SYNE3: variants seen among roughly 807,000 people sequenced by gnomAD.
The protein encoded by SYNE3 is nesprin-3.
SYNE3 carries 100 observed loss-of-function variants against 111.2 expected under a neutral mutation model. The ratio of observed to expected loss-of-function variants is 0.90; its 90% CI spans 0.77 to 1.06. SYNE3 has a LOEUF of 1.06. SYNE3 is among the 50% of genes least tolerant of loss of function. The pLI is 0.00. For missense variants in SYNE3, 1,160 were observed against 1,240.3 expected, an observed-to-expected ratio of 0.94 and a Z score of 0.97; for synonymous variants, 547 against 533.9, an observed-to-expected ratio of 1.02 and a Z score of -0.34.
chr14:95,456,073 C>A (rs752114088), intron 5 of SYNE3: 16 of 378,030 alleles, frequency 4.2e-5, no homozygotes, highest in Non-Finnish European at 7.0e-5. Context: ...CAAATGGCTC[C>A]GTTCGGTTTC....
At chr14:95,431,622 A>G (rs1352254401) in intron 17 of SYNE3, among the ~76,000 whole-genome samples, 1 of 152,186 alleles carries the variant, frequency 6.6e-6, no homozygotes, top group Admixed American at 6.5e-5. Flanking sequence ...GTAGAACTCA[A>G]AGGCACAATC....
Position 95,452,193 on chromosome 14 carries a change from A to G in SYNE3, c.1274+54T>C, listed in dbSNP as rs1413411358. The G allele has an allele frequency of 3.4e-6, 5 of 1,485,774 alleles. No individual in the cohort carries two copies. In the Admixed American group the frequency reaches 1.1e-4, roughly 33 times the overall value. The allele number at this position is 1,485,774 out of a possible 1,614,324, so 92.0% of individuals were successfully genotyped here. A position where few individuals can be genotyped will look rare whatever the true frequency, so the allele number is the denominator to read the frequency against. ...GCAAGCCCGCCTTCTGGAGATGGGG[A>G]AATGTGGGTTCCAGCACACCCTGAG... On this transcript the variant is annotated intron_variant, in intron 7 of 17. Transcript: ENST00000682763.
intron 17 of SYNE3, among the ~76,000 whole-genome samples, chr14:95,425,639 A>G (rs1196077915): frequency 6.6e-6 from 1 of 152,200 alleles, no homozygotes; most frequent in Admixed American, 6.5e-5. Context: ...AGCCTTAGCA[A>G]ATGGAGCACA....
rs78398853 is a variant in SYNE3 at position 95,441,210 on chromosome 14, G to A, written c.1912-1135C>T. ...CATTCCACAGACACTGACTGAGATC[G>A]CTGGATACCAGGCCCATACCAGGGG... is the stretch of plus-strand genomic sequence containing the variant. On this transcript the variant is annotated intron_variant, in intron 11 of 17. Transcript: ENST00000682763. Among the ~76,000 whole-genome samples, 67 of 152,286 alleles carry A rather than the reference G, an allele frequency of 4.4e-4. 3 individuals are homozygous for A. In the East Asian group the frequency reaches 8.3e-3, roughly 19 times the overall value.
At chr14:95,513,356 A>G (rs1890788819) in intron 1 of SYNE3, among the ~76,000 whole-genome samples, 1 of 152,020 alleles carries the variant, frequency 6.6e-6, no homozygotes, top group African/African-American at 2.4e-5. Flanking sequence ...GATTCTCTAT[A>G]CCACGTCTGC....
At chr14:95,483,272 G>A (rs1450605181) in intron 1 of SYNE3, among the ~76,000 whole-genome samples, 3 of 152,198 alleles carry the variant, frequency 2.0e-5, no homozygotes, top group Admixed American at 6.5e-5. Context: ...CCCCATTAGC[G>A]ATTACAGCCT....
intron 11 of SYNE3, among the ~76,000 whole-genome samples, chr14:95,440,787 G>C (rs1232602896): frequency 3.3e-5 from 5 of 152,248 alleles, no homozygotes; most frequent in Non-Finnish European, 5.9e-5. Context: ...GGAATGGTGA[G>C]CTGGGCATGA....
chr14:95,439,836 T>A, intron 12 of SYNE3, 52 bp from the exon 13 acceptor site: 2 of 1,589,498 alleles, frequency 1.3e-6, no homozygotes, highest in Non-Finnish European at 1.7e-6. Flanking sequence ...TGGAGGGAGG[T>A]TTCTGCTCCT....
Position 95,439,512 on chromosome 14 carries a change from G to A in SYNE3, c.2246+100C>T. ...TGCCCACGGCCCCTGGCTCCACACT[G>A]GGCAGCACCCTGGCCCTCTGCTCCA... On this transcript the variant is annotated intron_variant, in intron 13 of 17. Coordinates refer to ENST00000682763, the MANE Select transcript of SYNE3 (RefSeq NM_152592.6). 2.0e-6 allele frequency: 3 copies of A among 1,503,868 alleles called. No homozygotes were observed. The Admixed American group carries it at 5.1e-5, about 25-fold the overall frequency. 93.2% of individuals were successfully genotyped at this position (1,503,868 alleles called of 1,614,324 possible). A position where few individuals can be genotyped will look rare whatever the true frequency, so the allele number is the denominator to read the frequency against.
In SYNE3 at chr14:95,443,334, C is replaced by T. The variant is rs112845436; in HGVS notation, c.1777-45G>A. Reference sequence around the variant, plus strand: ...AGGTAGGCTAATCTTCCCACCTCTCCCTCCCTTGGGGTGGCCGATCAGGGC... The same window carrying T: ...AGGTAGGCTAATCTTCCCACCTCTCTCTCCCTTGGGGTGGCCGATCAGGGC... On this transcript the variant is annotated intron_variant, in intron 10 of 17. Transcript: ENST00000682763. 3.6e-3 allele frequency: 5,856 copies of T among 1,611,454 alleles called. 29 individuals carry two copies. Among genetic ancestry groups the T allele is most frequent in the Middle Eastern group, 0.022 (133 of 5,994 alleles).
intron 1 of SYNE3, among the ~76,000 whole-genome samples, chr14:95,482,350 C>T (rs1889312612): frequency 6.6e-6 from 1 of 152,212 alleles, no homozygotes; most frequent in Admixed American, 6.5e-5. Context: ...AGGAGAATCG[C>T]TTGAACCCGG....
At chr14:95,438,235 G>C (rs1886208245) in intron 14 of SYNE3, 1 of 152,148 alleles carries the variant, frequency 6.6e-6, no homozygotes, top group African/African-American at 2.4e-5. Flanking sequence ...ACACCACCAT[G>C]TCCAGTTAAT....
intron 6 of SYNE3, among the ~76,000 whole-genome samples, chr14:95,454,654 C>T (rs1370362347): frequency 6.6e-6 from 1 of 152,186 alleles, no homozygotes; most frequent in Non-Finnish European, 1.5e-5. Context: ...AATATTTTTG[C>T]GTATGAGCAG....
chr14:95,486,096 A>C (rs571274455), intron 1 of SYNE3, among the ~76,000 whole-genome samples: 10 of 151,858 alleles, frequency 6.6e-5, no homozygotes, highest in Non-Finnish European at 1.3e-4. Context: ...GACCCCACAC[A>C]TTTCAGTGGA....
Position 95,408,699 on chromosome 14 carries a change from T to TCCCCCCCCCCCCC in SYNE3, c.*9126_*9127insGGGGGGGGGGGGG. 1 of 190,310 alleles carries TCCCCCCCCCCCCC rather than the reference T, an allele frequency of 5.3e-6. No homozygotes were observed. 11.8% of individuals were successfully genotyped at this position (190,310 alleles called of 1,614,324 possible). The stretch of plus-strand genomic sequence containing the variant: ...CTATGCTCACATACGCGTGCATCCC[T>TCCCCCCCCCCCCC]CCCACCCTGCCCACCCCTTCACATG... On this transcript the variant is annotated 3_prime_UTR_variant, in exon 18 of 18. Coordinates refer to ENST00000682763, the MANE Select transcript of SYNE3 (RefSeq NM_152592.6).
chr14:95,442,526 C>A (rs757398810), intron 11 of SYNE3, among the ~76,000 whole-genome samples: 68 of 152,206 alleles, frequency 4.5e-4, no homozygotes, highest in Non-Finnish European at 8.2e-4. Flanking sequence ...CTCCTCAGGG[C>A]TTGTTACAAC....
At chr14:95,491,023 A>G (rs1889824488) in intron 1 of SYNE3, among the ~76,000 whole-genome samples, 1 of 152,212 alleles carries the variant, frequency 6.6e-6, no homozygotes, top group Admixed American at 6.5e-5. Flanking sequence ...TGCTTATTCA[A>G]TAAATACACA....
At chr14:95,429,760 T>C (rs1885641190) in intron 17 of SYNE3, among the ~76,000 whole-genome samples, 1 of 152,200 alleles carries the variant, frequency 6.6e-6, no homozygotes, top group South Asian at 2.1e-4. Context: ...CTTCTGGTCA[T>C]AGACAAGATA....
At chr14:95,418,348 C>G (rs1161219213) in intron 17 of SYNE3, among the ~76,000 whole-genome samples, 1 of 152,116 alleles carries the variant, frequency 6.6e-6, no homozygotes, top group Non-Finnish European at 1.5e-5. Context: ...TTCTCTGAAT[C>G]TCTAGTTTCT....
Sources: allele counts gnomAD v4.1 joint callset (sites outside exome capture counted in the v4.1 genomes callset), GRCh38; gene constraint gnomAD v4.1.1; transcripts MANE v1.5; gene names NCBI Gene and HGNC (gene_info 2026-07-23, HGNC 2026-07-21).